RASA2: variants seen among roughly 807,000 people sequenced by gnomAD.
RASA2 encodes ras GTPase-activating protein 2.
In RASA2, 155 loss-of-function variants were observed where a neutral mutation model predicts 118.2. The ratio of observed to expected loss-of-function variants is 1.31; its 90% CI spans 1.15 to 1.50. The LOEUF (loss-of-function observed/expected upper bound fraction) is 1.50. RASA2 is among the 40% of genes most tolerant of loss of function. The pLI, the probability that RASA2 is intolerant of heterozygous loss-of-function variation, is 0.00. For synonymous variants in RASA2, 353 were observed against 349.1 expected, an observed-to-expected ratio of 1.01 and a Z score of -0.12; for missense variants, 1,016 against 1,009.6, an observed-to-expected ratio of 1.01 and a Z score of -0.09.
rs143073468 is a variant in RASA2 at position 141,558,970 on chromosome 3, C to T, written c.761+8C>T. On this transcript the variant is annotated splice_region_variant and intron_variant, in intron 8 of 23. Transcript: ENST00000286364. ...TGAAAAGCTAGAAATCAGGTATGTG[C>T]CTTGGGGTTTTACAGAATTGCTTTT... 4,223 of 1,585,762 alleles carry T rather than the reference C, an allele frequency of 2.7e-3. 15 individuals carry two copies. The highest frequency in any genetic ancestry group is 3.4e-3 in the Non-Finnish European group (3,902 of 1,160,042).
intron 3 of RASA2, among the ~76,000 whole-genome samples, chr3:141,517,556 T>A (rs1411353025): frequency 6.6e-6 from 1 of 152,204 alleles, no homozygotes; most frequent in Admixed American, 6.5e-5. Flanking sequence ...CATGATTCAG[T>A]CACCTTATGC....
chr3:141,611,333 C>T (rs929491731), intron 23 of RASA2, among the ~76,000 whole-genome samples: 4 of 152,108 alleles, frequency 2.6e-5, no homozygotes, highest in Non-Finnish European at 5.9e-5. Flanking sequence ...TGATAGCATC[C>T]AGAGGCAGAA....
intron 7 of RASA2, 45 bp from the exon 8 acceptor site, chr3:141,558,841 T>C (rs200591483): frequency 1.0e-5 from 14 of 1,378,630 alleles, no homozygotes; most frequent in Non-Finnish European, 1.2e-5. Flanking sequence ...GTAGGAAAAA[T>C]GTATTTTTTT....
chr3:141,597,930 G>A (rs936874253), intron 19 of RASA2, among the ~76,000 whole-genome samples: 1 of 152,028 alleles, frequency 6.6e-6, no homozygotes, highest in African/African-American at 2.4e-5. Flanking sequence ...ACTAATATGA[G>A]CAACTTTATA....
chr3:141,549,126 A>G (rs763542502), intron 5 of RASA2, among the ~76,000 whole-genome samples: 69 of 152,288 alleles, frequency 4.5e-4, no homozygotes, highest in Non-Finnish European at 8.1e-4. Flanking sequence ...ATCCAAATCT[A>G]TAAACCTAAT....
At chr3:141,547,199 T>C (rs1467721102) in intron 5 of RASA2, among the ~76,000 whole-genome samples, 1 of 152,190 alleles carries the variant, frequency 6.6e-6, no homozygotes, top group Admixed American at 6.5e-5. Context: ...TGTGGTTTCA[T>C]ATAAATTTTG....
At chr3:141,535,489 T>C (rs1243302576) in intron 4 of RASA2, among the ~76,000 whole-genome samples, 2 of 152,232 alleles carry the variant, frequency 1.3e-5, no homozygotes, top group Non-Finnish European at 2.9e-5. Context: ...TATGTTTTGC[T>C]CAAATACCTC....
At chr3:141,532,508 C>A (rs1362240944) in intron 4 of RASA2, among the ~76,000 whole-genome samples, 1 of 152,078 alleles carries the variant, frequency 6.6e-6, no homozygotes, top group Non-Finnish European at 1.5e-5. Flanking sequence ...GGAGATGCAT[C>A]TTAAGTGGAG....
intron 19 of RASA2, among the ~76,000 whole-genome samples, chr3:141,606,635 G>A (rs1214731924): frequency 6.6e-6 from 1 of 151,824 alleles, no homozygotes; most frequent in Non-Finnish European, 1.5e-5. Context: ...AACATTATAT[G>A]TCACATTTGC....
chr3:141,512,097 C>A, intron 1 of RASA2, 66 bp from the exon 2 acceptor site: 1 of 1,038,630 alleles, frequency 9.6e-7, no homozygotes, highest in Non-Finnish European at 1.4e-6. Context: ...TGAAGTCATC[C>A]TATATAAGGC....
intron 19 of RASA2, among the ~76,000 whole-genome samples, chr3:141,588,547 G>A (rs570856346): frequency 3.3e-5 from 5 of 152,208 alleles, no homozygotes; most frequent in East Asian, 3.9e-4. Context: ...TGTAAATTCT[G>A]GAATAATACA....
chr3:141,581,779 G>T (rs9840159), intron 17 of RASA2, among the ~76,000 whole-genome samples: 38,299 of 151,922 alleles, frequency 0.25, 5,422 homozygotes, highest in Non-Finnish European at 0.32. Flanking sequence ...TACTATAAAT[G>T]TACAAAAACC....
At chr3:141,600,338 C>T in intron 19 of RASA2, 1 of 528,960 alleles carries the variant, frequency 1.9e-6, no homozygotes, top group Non-Finnish European at 3.9e-6. Flanking sequence ...GTTAGGTTGT[C>T]TCTAAGCAAT....
chr3:141,516,436 G>T lies in RASA2; in HGVS notation c.355+5G>T. On this transcript the variant is annotated splice_donor_5th_base_variant and intron_variant, in intron 3 of 23. Transcript: ENST00000286364. ...TACAAAGAGATCTCCGTATAGGTAT[G>T]TACTATTCATAATTATCTTTAATCA... 1 of 1,437,728 alleles carries T rather than the reference G, an allele frequency of 7.0e-7. No individual in the cohort carries two copies. Among genetic ancestry groups the T allele is most frequent in the Non-Finnish European group, 9.2e-7 (1 of 1,089,472 alleles). The allele number at this position is 1,437,728 out of a possible 1,614,324, so 89.1% of individuals were successfully genotyped here.
At chr3:141,559,267 G>T (rs2082694642) in intron 8 of RASA2, among the ~76,000 whole-genome samples, 2 of 152,034 alleles carry the variant, frequency 1.3e-5, no homozygotes, top group Non-Finnish European at 2.9e-5. Flanking sequence ...GTAATGGATG[G>T]AAAGGAAGTT....
chr3:141,571,187 T>TAC, intron 10 of RASA2, 119 bp downstream of exon 10: 2 of 1,117,828 alleles, frequency 1.8e-6, no homozygotes, highest in Non-Finnish European at 2.5e-6. Context: ...ATTATATACA[T>TAC]ACATATATAT....
rs750090415 is a variant in RASA2 at position 141,555,833 on chromosome 3, G to A, written c.612-7G>A. The stretch of plus-strand genomic sequence containing the variant: ...CTACAAGGTAAAACTCTACCACATT[G>A]GAACAGGAATGACCAAAAGAAGACA... On this transcript the variant is annotated splice_region_variant and splice_polypyrimidine_tract_variant and intron_variant, in intron 6 of 23. Transcript: ENST00000286364. The A allele has an allele frequency of 6.2e-7, 1 of 1,607,960 alleles. No homozygotes were observed. The highest frequency in any genetic ancestry group is 1.1e-5 in the South Asian group (1 of 90,718).
chr3:141,599,690 A>G (rs1002462302), intron 19 of RASA2, among the ~76,000 whole-genome samples: 1 of 150,776 alleles, frequency 6.6e-6, no homozygotes, highest in Admixed American at 6.6e-5. Flanking sequence ...GTTGCCACAG[A>G]TATACATGAC....
chr3:141,581,104 G>A lies in RASA2; in HGVS notation c.1679G>A (p.Ser560Asn). The A allele has an allele frequency of 6.5e-7, 1 of 1,530,258 alleles. No homozygotes were observed. Among genetic ancestry groups the A allele is most frequent in the Non-Finnish European group, 8.7e-7 (1 of 1,146,970 alleles). The allele number at this position is 1,530,258 out of a possible 1,614,324, so 94.8% of individuals were successfully genotyped here. The change falls in exon 17 of 24, where the codon AGT becomes AAT. Residue 560 changes from serine (S) to asparagine (N), a missense_variant. This residue lies in a region of RASA2 where 896 missense variants were observed against 836.4 expected (regional missense o/e 1.07). Coordinates refer to ENST00000286364, the MANE Select transcript of RASA2 (RefSeq NM_006506.5). ...CCTGTGTTTGTTTTTTCTTAGTCAA[G>A]TTTCAAAGAGACATTCATGTGTGAA... ...SWGSLSKSKS[S>N]FKETFMCEFF... is the part of the protein sequence containing the mutation.
Sources: allele counts gnomAD v4.1 joint callset (sites outside exome capture counted in the v4.1 genomes callset), GRCh38; gene constraint gnomAD v4.1.1; regional missense constraint gnomAD v4.1.1; transcripts MANE v1.5; gene names NCBI Gene and HGNC (gene_info 2026-07-23, HGNC 2026-07-21).